The following IL12RB2 variants were observed in gnomAD, a reference collection of about 807,000 sequenced individuals.
The protein encoded by IL12RB2 is interleukin 12 receptor subunit beta 2.
Under a neutral mutation model 89.4 loss-of-function variants are expected in IL12RB2, and 82 were observed. That is an observed-to-expected ratio of 0.92 (90% CI 0.77 to 1.10). The LOEUF (loss-of-function observed/expected upper bound fraction) is 1.10. Among genes scored for constraint, IL12RB2 ranks in the 50% least tolerant of loss-of-function variants. IL12RB2 has a pLI of 0.00. For missense variants in IL12RB2, 963 were observed against 1,031.9 expected, an observed-to-expected ratio of 0.93 and a Z score of 0.92; for synonymous variants, 368 against 370.1, an observed-to-expected ratio of 0.99 and a Z score of 0.07.
chr1:67,326,942 A>T (rs1657384333), intron 5 of IL12RB2, 93 bp downstream of exon 5: 1 of 667,558 alleles, frequency 1.5e-6, no homozygotes, highest in Admixed American at 6.3e-5. Flanking sequence ...TTTTTATTTT[A>T]TTTTATTTAT....
intron 3 of IL12RB2, among the ~76,000 whole-genome samples, chr1:67,320,730 T>C (rs932837755): frequency 8.5e-5 from 13 of 152,098 alleles, no homozygotes; most frequent in Non-Finnish European, 1.8e-4. Context: ...CACATTTTTC[T>C]TTTTTTTCTT....
Position 67,390,054 on chromosome 1 carries a change from A to G in IL12RB2, c.1972A>G (p.Arg658Gly). 7.4e-7 allele frequency: 1 copy of G among 1,351,874 alleles called. No homozygotes were observed. 83.7% of individuals were successfully genotyped at this position (1,351,874 alleles called of 1,614,324 possible). ...QKVFVLLAAL[R>G]PQWCSREIPD... is the part of the protein sequence containing the mutation. ...GGTGTTTGTTCTCCTAGCAGCCCTC[A>G]GACCTCAGTGGTGTAGCAGAGAAAT... Residue 658 changes from arginine (R) to glycine (G), a missense_variant, in exon 16 of 17, where the codon AGA (arginine) becomes GGA (glycine). Coordinates refer to ENST00000674203, the MANE Select transcript of IL12RB2 (RefSeq NM_001374259.2).
chr1:67,393,869 ATTTT>A (rs553481001), intron 16 of IL12RB2, among the ~76,000 whole-genome samples: 237 of 147,870 alleles, frequency 1.6e-3, no homozygotes, highest in African/African-American at 5.6e-3. Flanking sequence ...TCCCACGGCT[ATTTT>A]TTGTCATCCT....
In IL12RB2 at chr1:67,386,155, G is replaced by A. The variant is rs1482906805; in HGVS notation, c.1856-424G>A. ...ACCCGGGAGGCGGAGATTGCAGTGA[G>A]CTGAGATTGCGCCATTGCACTCCAG... On this transcript the variant is annotated intron_variant, in intron 14 of 16. Transcript: ENST00000674203. Among the ~76,000 whole-genome samples the A allele has an allele frequency of 7.3e-5, 10 of 136,222 alleles. No individual in the cohort carries two copies. In the Admixed American group the frequency reaches 7.5e-4, roughly 10 times the overall value. 89.4% of individuals were successfully genotyped at this position (136,222 alleles called of 152,430 possible).
At chr1:67,366,470 AAAAAG>A (rs1662688135) in intron 10 of IL12RB2, among the ~76,000 whole-genome samples, 1 of 151,388 alleles carries the variant, frequency 6.6e-6, no homozygotes, top group Non-Finnish European at 1.5e-5. Flanking sequence ...AAAAAAAAAA[AAAAAG>A]AAGAGAAATC....
intron 13 of IL12RB2, among the ~76,000 whole-genome samples, chr1:67,373,874 C>T (rs901152727): frequency 6.6e-6 from 1 of 152,202 alleles, no homozygotes; most frequent in African/African-American, 2.4e-5. Context: ...GGGTGATTTT[C>T]ACCTGGGAAG....
At position 67,321,697 on chromosome 1, in the gene IL12RB2, G is replaced by A. The variant is rs769030782; in HGVS notation, c.172G>A (p.Gly58Ser). The A allele has an allele frequency of 1.9e-6, 3 of 1,609,914 alleles. No individual in the cohort carries two copies. Among genetic ancestry groups the A allele is most frequent in the Non-Finnish European group, 2.6e-6 (3 of 1,176,220 alleles). ...TACATGCTCTTTGAAGCCCAGACAA[G>A]GCTGCTTTCACTATTCCAGACGTAA... is the stretch of plus-strand genomic sequence containing the variant. The part of the protein sequence containing the change: ...NITCSLKPRQ[G>S]CFHYSRRNKL... Residue 58 changes from glycine to serine, a missense_variant, in exon 4 of 17, where the codon GGC becomes AGC. Gly to Ser is a moderately conservative substitution (Grantham distance 56). Coordinates refer to ENST00000674203, the MANE Select transcript of IL12RB2 (RefSeq NM_001374259.2).
At chr1:67,388,417 C>G (rs193107428) in intron 15 of IL12RB2, among the ~76,000 whole-genome samples, 154 of 152,254 alleles carry the variant, frequency 1.0e-3, no homozygotes, top group African/African-American at 3.4e-3. Context: ...ATGATCTTGG[C>G]TCACTGCAGC....
chr1:67,346,641 C>T (rs1260546912), intron 9 of IL12RB2, among the ~76,000 whole-genome samples: 1 of 152,150 alleles, frequency 6.6e-6, no homozygotes, highest in Non-Finnish European at 1.5e-5. Context: ...CCACCTCAGC[C>T]TCCCAAAGTG....
intron 9 of IL12RB2, among the ~76,000 whole-genome samples, chr1:67,344,635 C>A (rs559463053): frequency 7.2e-5 from 11 of 152,202 alleles, no homozygotes; most frequent in Non-Finnish European, 1.5e-4. Context: ...AGAACATTGT[C>A]ATTTTACCAT....
chr1:67,370,228 C>T lies in IL12RB2; in HGVS notation c.1459+2203C>T, dbSNP rs185288490. On this transcript the variant is annotated intron_variant, in intron 11 of 16. Coordinates refer to ENST00000674203, the MANE Select transcript of IL12RB2 (RefSeq NM_001374259.2). Reference sequence around the variant, plus strand: ...AAGATCACTCATTGTTATTGATTTTCACCAGCCTTTTCCCAGCATCTGGCT... The same window carrying T: ...AAGATCACTCATTGTTATTGATTTTTACCAGCCTTTTCCCAGCATCTGGCT... 2.6e-5 allele frequency among the ~76,000 whole-genome samples: 4 copies of T among 152,198 alleles called. No individual in the cohort carries two copies. The South Asian group carries it at 8.3e-4, about 32-fold the overall frequency.
rs765685802 is a variant in IL12RB2, at chr1:67,320,341, C to A, written c.-28C>A. 1.2e-6 allele frequency: 2 copies of A among 1,613,570 alleles called. No homozygotes were observed. The highest frequency in any genetic ancestry group is 1.3e-5 in the African/African-American group (1 of 74,898). ...TTGTCTTCTTTTGCAAGGAAGAATA[C>A]GGAGTTCTATACCAGAGTTGATTGT... On this transcript the variant is annotated 5_prime_UTR_variant, in exon 3 of 17. Transcript: ENST00000674203.
chr1:67,366,411 ACTGCACTCCAGC>A (rs1357030704), intron 10 of IL12RB2, among the ~76,000 whole-genome samples: 1 of 145,092 alleles, frequency 6.9e-6, no homozygotes, highest in African/African-American at 2.6e-5. Flanking sequence ...AGATGGTGCC[ACTGCACTCCAGC>A]CTGGGCAAGA....
rs1363335977 is a variant in IL12RB2, at chr1:67,346,375, TCTA to T, written c.1039-4494_1039-4492del. Among the ~76,000 whole-genome samples, 366 of 114,136 alleles carry T rather than the reference TCTA, an allele frequency of 3.2e-3. 9 individuals are homozygous for T. The highest frequency in any genetic ancestry group is 0.012 in the African/African-American group (356 of 29,946). 74.9% of individuals were successfully genotyped at this position (114,136 alleles called of 152,430 possible). Reference sequence around the variant, plus strand: ...TTCTAAAATGTCCAGGTGAGGGTTGTCTATTTTTTTTTTTTTTTTTTTTTTTTT... The same window carrying T: ...TTCTAAAATGTCCAGGTGAGGGTTGTTTTTTTTTTTTTTTTTTTTTTTTTT... On this transcript the variant is annotated intron_variant, in intron 9 of 16. Coordinates refer to ENST00000674203, the MANE Select transcript of IL12RB2 (RefSeq NM_001374259.2).
chr1:67,384,810 C>G (rs546338481), intron 14 of IL12RB2, among the ~76,000 whole-genome samples: 7 of 152,180 alleles, frequency 4.6e-5, no homozygotes, highest in Non-Finnish European at 8.8e-5. Flanking sequence ...ACCTTTACTC[C>G]AGTTCCCAAC....
intron 9 of IL12RB2, among the ~76,000 whole-genome samples, chr1:67,349,177 A>G (rs1341517197): frequency 2.6e-5 from 4 of 152,172 alleles, no homozygotes; most frequent in African/African-American, 9.7e-5. Flanking sequence ...TGGGATGTCT[A>G]TGAAGGACAG....
At chr1:67,323,719 C>T (rs1656895570) in intron 4 of IL12RB2, among the ~76,000 whole-genome samples, 1 of 152,184 alleles carries the variant, frequency 6.6e-6, no homozygotes, top group Non-Finnish European at 1.5e-5. Flanking sequence ...CAGGGAACTA[C>T]TGGAGGCTAT....
At position 67,396,437 on chromosome 1, in the gene IL12RB2, A is replaced by C; in HGVS notation, c.*348A>C. The C allele has an allele frequency of 2.5e-6, 1 of 404,570 alleles. No individual in the cohort carries two copies. Among genetic ancestry groups the C allele is most frequent in the Non-Finnish European group, 4.7e-6 (1 of 213,708 alleles). The allele number at this position is 404,570 out of a possible 1,614,324, so 25.1% of individuals were successfully genotyped here. A position where few individuals can be genotyped will look rare whatever the true frequency, so the allele number is the denominator to read the frequency against. ...TTAGTAGTAATGGCATACAGTCTAGAGGACCATTCATGCAATGACTATTTC... is the reference window on the plus strand; with the variant it reads ...TTAGTAGTAATGGCATACAGTCTAGCGGACCATTCATGCAATGACTATTTC... On this transcript the variant is annotated 3_prime_UTR_variant, in exon 17 of 17. Transcript: ENST00000674203.
chr1:67,316,643 A>T (rs1655810842), intron 2 of IL12RB2, among the ~76,000 whole-genome samples: 1 of 152,072 alleles, frequency 6.6e-6, no homozygotes, highest in Non-Finnish European at 1.5e-5. Flanking sequence ...TTCTCCCTGC[A>T]GTCACTTTCT....
Sources: allele counts gnomAD v4.1 joint callset (sites outside exome capture counted in the v4.1 genomes callset), GRCh38; gene constraint gnomAD v4.1.1; transcripts MANE v1.5; gene names NCBI Gene and HGNC (gene_info 2026-07-23, HGNC 2026-07-21).